Variants in ZNF429 observed in about 807,000 individuals in gnomAD.
ZNF429 encodes the protein zinc finger protein 429.
A neutral mutation model predicts 56.8 loss-of-function variants in ZNF429; 53 were observed. The observed-to-expected ratio is 0.93, with a 90% CI of 0.75 to 1.17. The LOEUF is 1.17. Ranked by LOEUF, ZNF429 falls within the 50% of genes most tolerant of loss-of-function variation. ZNF429 has a pLI of 0.00. For synonymous variants in ZNF429, 278 were observed against 264.7 expected (o/e 1.05, Z -0.49); for missense variants, 849 against 788.4 (o/e 1.08, Z -0.92).
chr19:21,510,895 G>A (rs2032422179), intron 1 of ZNF429, among the ~76,000 whole-genome samples: 2 of 152,058 alleles, frequency 1.3e-5, no homozygotes, highest in South Asian at 4.1e-4. Flanking sequence ...ACAGGGTTGG[G>A]GGTAAGGTCA....
At position 21,530,658 on chromosome 19, in the gene ZNF429, G is replaced by A. The variant is rs376763417; in HGVS notation, c.200G>A (p.Arg67Gln). 9.6e-5 allele frequency: 154 copies of A among 1,610,274 alleles called. No homozygotes were observed. In the Admixed American group the frequency reaches 1.0e-3, roughly 11 times the overall value. The change falls in exon 3 of 4, where the codon CGA becomes CAA. Residue 67 changes from arginine (R) to glutamine (Q), a missense_variant. Coordinates refer to ENST00000358491, the MANE Select transcript of ZNF429 (RefSeq NM_001001415.4). ...EKEKEPCKMK[R>Q]HEMVDEPPVV... is the part of the protein sequence containing the mutation. Reference sequence around the variant, plus strand: ...GAAAAAGAACCCTGCAAGATGAAGCGACATGAAATGGTGGATGAACCCCCA... The same window carrying A: ...GAAAAAGAACCCTGCAAGATGAAGCAACATGAAATGGTGGATGAACCCCCA...
chr19:21,509,081 T>C (rs1312907157), intron 1 of ZNF429, among the ~76,000 whole-genome samples: 1 of 151,926 alleles, frequency 6.6e-6, no homozygotes, highest in Non-Finnish European at 1.5e-5. Context: ...CGATCTTGGC[T>C]CACTGCAACT....
chr19:21,515,240 C>CTTTTTTTTTTTTTTTTTTTTT (rs35926199), intron 1 of ZNF429, among the ~76,000 whole-genome samples: 2 of 128,132 alleles, frequency 1.6e-5, no homozygotes, highest in Admixed American at 7.9e-5. Context: ...TGTGCCTGGC[C>CTTTTTTTTTTTTTTTTTTTTT]TTTTTTTTTT....
intron 3 of ZNF429, among the ~76,000 whole-genome samples, chr19:21,535,966 G>A: frequency 2.0e-5 from 3 of 152,278 alleles, no homozygotes; most frequent in Non-Finnish European, 4.4e-5. Context: ...ACTTCCAAAG[G>A]CACTGTGTTT....
rs550527593 is a variant in ZNF429, at chr19:21,506,775, T to C, written c.3+1001T>C. Among the ~76,000 whole-genome samples the C allele has an allele frequency of 7.9e-3, 1,162 of 146,290 alleles. 7 individuals are homozygous for C. Among genetic ancestry groups the C allele is most frequent in the Middle Eastern group, 0.054 (15 of 280 alleles). ...ATTTGAGTTAGTTTTTTGTTTTTTT[T>C]TTTTTTTTTTTGAGATGGAGTTTCC... On this transcript the variant is annotated intron_variant, in intron 1 of 3. Transcript: ENST00000358491.
rs541382122 is a variant in ZNF429, at chr19:21,538,454, G to T, written c.*376G>T. On this transcript the variant is annotated 3_prime_UTR_variant, in exon 4 of 4. Coordinates refer to ENST00000358491, the MANE Select transcript of ZNF429 (RefSeq NM_001001415.4). ...ATCTCTACTAAAAATACAAAAATTA[G>T]CTGGATGTGGTGGCACATGCCTGTA... is the stretch of plus-strand genomic sequence containing the variant. Among the ~76,000 whole-genome samples the T allele has an allele frequency of 6.6e-6, 1 of 151,892 alleles. No homozygotes were observed. Among genetic ancestry groups the T allele is most frequent in the South Asian group, 2.1e-4 (1 of 4,798 alleles).
At chr19:21,507,396 A>T (rs1367377053) in intron 1 of ZNF429, 1 of 152,214 alleles carries the variant, frequency 6.6e-6, no homozygotes, top group Non-Finnish European at 1.5e-5. Flanking sequence ...AAAGCATTGG[A>T]TGGCACATTT....
intron 1 of ZNF429, 76 bp from the exon 2 acceptor site, chr19:21,529,582 A>G: frequency 7.6e-7 from 1 of 1,307,448 alleles, no homozygotes; most frequent in South Asian, 2.2e-5. Flanking sequence ...TTAAATAAAA[A>G]ATTCTACCCA....
In ZNF429 at chr19:21,539,490, C is replaced by G. The variant is rs1199450383; in HGVS notation, c.*1412C>G. On this transcript the variant is annotated 3_prime_UTR_variant, in exon 4 of 4. Coordinates refer to ENST00000358491, the MANE Select transcript of ZNF429 (RefSeq NM_001001415.4). ...ACGTTGGAGTTCAGTGGCACAATTT[C>G]AGCTTGCTGCCAACTTCGACCTTTG... Among the ~76,000 whole-genome samples, 2 of 152,006 alleles carry G rather than the reference C, an allele frequency of 1.3e-5. No individual in the cohort carries two copies. Among genetic ancestry groups the G allele is most frequent in the African/African-American group, 4.8e-5 (2 of 41,408 alleles).
At chr19:21,507,253 G>A (rs994442691) in intron 1 of ZNF429, among the ~76,000 whole-genome samples, 2 of 152,126 alleles carry the variant, frequency 1.3e-5, no homozygotes, top group Non-Finnish European at 1.5e-5. Context: ...CTGGCTTGCA[G>A]TAAAATACAA....
At chr19:21,523,997 C>CT (rs1430097844) in intron 1 of ZNF429, among the ~76,000 whole-genome samples, 2 of 149,676 alleles carry the variant, frequency 1.3e-5, no homozygotes, top group African/African-American at 2.5e-5. Context: ...GTAAAAAAAA[C>CT]TAACAGGAGG....
At chr19:21,521,228 A>G (rs1893027620) in intron 1 of ZNF429, 1 of 152,220 alleles carries the variant, frequency 6.6e-6, no homozygotes, top group African/African-American at 2.4e-5. Context: ...CTATTACAGG[A>G]CAAATCAACA....
intron 3 of ZNF429, among the ~76,000 whole-genome samples, chr19:21,535,577 C>T: frequency 1.5e-4 from 23 of 149,594 alleles, no homozygotes; most frequent in Middle Eastern, 3.2e-3. Context: ...TGCAGTGGTA[C>T]GGTCTCAGCT....
chr19:21,520,742 C>T (rs553646615), intron 1 of ZNF429, among the ~76,000 whole-genome samples: 28 of 152,118 alleles, frequency 1.8e-4, no homozygotes, highest in African/African-American at 6.3e-4. Context: ...ATTTGCAGTC[C>T]AAAGTACTTA....
rs12985995 is a variant in ZNF429, at chr19:21,540,234, C to T, written c.*2156C>T. On this transcript the variant is annotated 3_prime_UTR_variant, in exon 4 of 4. Coordinates refer to ENST00000358491, the MANE Select transcript of ZNF429 (RefSeq NM_001001415.4). ...ATGCTATCAACTTTAACCTATCCCA[C>T]GTTACTCAAGGGTGTAGCTAAATGA... Among the ~76,000 whole-genome samples the T allele has an allele frequency of 0.53, 80,949 of 151,864 alleles. 21,743 individuals carry two copies. The highest frequency in any genetic ancestry group is 0.63 in the South Asian group (3,020 of 4,826).
rs144238909 is a variant in ZNF429 at position 21,538,140 on chromosome 19, G to T, written c.*62G>T. 5.6e-6 allele frequency: 4 copies of T among 710,108 alleles called. No homozygotes were observed. The highest frequency in any genetic ancestry group is 8.8e-6 in the Non-Finnish European group (4 of 456,544). 44.0% of individuals were successfully genotyped at this position (710,108 alleles called of 1,614,324 possible). ...AAAAAAAAAAAAAAATTAGCCAGGC[G>T]TGGTGGTGGGCACTTGTAGTCCCAC... On this transcript the variant is annotated 3_prime_UTR_variant, in exon 4 of 4. Transcript: ENST00000358491.
chr19:21,522,022 C>T (rs74329778), intron 1 of ZNF429: 2,432 of 152,338 alleles, frequency 0.016, 73 homozygotes, highest in African/African-American at 0.055. Context: ...TGGTAGGAGT[C>T]GAGAGGACAC....
chr19:21,536,905 C>T lies in ZNF429; in HGVS notation c.852C>T (p.Pro284=). 2 of 1,612,318 alleles carry T rather than the reference C, an allele frequency of 1.2e-6. No individual in the cohort carries two copies. The highest frequency in any genetic ancestry group is 1.7e-6 in the Non-Finnish European group (2 of 1,179,126). ...AGAGAATTCATTCTGGAGAGAAGCC[C>T]TACAAATGTGATGAATGTGGCAAAA... The part of the protein sequence containing the change: ...THKRIHSGEK[P]YKCDECGKTF... Residue 284 remains proline (P), a synonymous_variant, in exon 4 of 4, where the codon CCC becomes CCT. Coordinates refer to ENST00000358491, the MANE Select transcript of ZNF429 (RefSeq NM_001001415.4).
At chr19:21,524,599 G>A (rs1047261690) in intron 1 of ZNF429, among the ~76,000 whole-genome samples, 1 of 152,058 alleles carries the variant, frequency 6.6e-6, no homozygotes, top group Admixed American at 6.5e-5. Flanking sequence ...TAGCAAATCA[G>A]GACGGGTGAT....
Sources: allele counts gnomAD v4.1 joint callset (sites outside exome capture counted in the v4.1 genomes callset), GRCh38; gene constraint gnomAD v4.1.1; transcripts MANE v1.5; gene names NCBI Gene and HGNC (gene_info 2026-07-23, HGNC 2026-07-21).